Variants in VAV3 observed in about 807,000 individuals in gnomAD.
The protein encoded by VAV3 is guanine nucleotide exchange factor VAV3.
Under a neutral mutation model 131.2 loss-of-function variants are expected in VAV3, and 94 were observed. The ratio of observed to expected loss-of-function variants is 0.72; its 90% CI spans 0.61 to 0.85. VAV3 has a LOEUF of 0.85. Ranked by LOEUF, VAV3 falls within the 40% of genes least tolerant of loss-of-function variation. The pLI is 0.00. For synonymous variants in VAV3, 349 were observed against 342.0 expected, an observed-to-expected ratio of 1.02 and a Z score of -0.22; for missense variants, 939 against 1,002.7, an observed-to-expected ratio of 0.94 and a Z score of 0.86.
intron 15 of VAV3, among the ~76,000 whole-genome samples, chr1:107,707,623 C>T (rs965237602): frequency 6.6e-6 from 1 of 152,292 alleles, no homozygotes; most frequent in Middle Eastern, 3.4e-3. Flanking sequence ...TCCAGCACAA[C>T]GACTTATATG....
intron 1 of VAV3, among the ~76,000 whole-genome samples, chr1:107,882,647 C>G (rs543698099): frequency 2.6e-5 from 4 of 152,196 alleles, no homozygotes; most frequent in Admixed American, 2.6e-4. Context: ...CTATATCTCT[C>G]TTTTAAAATT....
At chr1:107,929,287 CAAAAAAAA>C (rs372843076) in intron 1 of VAV3, among the ~76,000 whole-genome samples, 2 of 92,536 alleles carry the variant, frequency 2.2e-5, no homozygotes, top group East Asian at 3.0e-4. Flanking sequence ...CACTCTGTCT[CAAAAAAAA>C]AAAAAAAAAA....
At chr1:107,807,046 CTCA>C (rs1399742834) in intron 2 of VAV3, among the ~76,000 whole-genome samples, 3 of 152,022 alleles carry the variant, frequency 2.0e-5, no homozygotes, top group Non-Finnish European at 4.4e-5. Context: ...TGCTTTTTTC[CTCA>C]TGTTTTCCAT....
intron 15 of VAV3, among the ~76,000 whole-genome samples, chr1:107,730,566 T>A (rs1330445012): frequency 6.6e-6 from 1 of 152,182 alleles, no homozygotes; most frequent in African/African-American, 2.4e-5. Flanking sequence ...TTGAAATAAA[T>A]TAACTTGTAA....
rs62618754 is a variant in VAV3, at chr1:107,573,249, C to T, written c.*82G>A. ...CAGAAATGCAGCTTTTTAAACACTTCAGTTAATTCACGATGCTGTGCAGGC... is the reference window on the plus strand; with the variant it reads ...CAGAAATGCAGCTTTTTAAACACTTTAGTTAATTCACGATGCTGTGCAGGC... On this transcript the variant is annotated 3_prime_UTR_variant, in exon 27 of 27. Coordinates refer to ENST00000370056, the MANE Select transcript of VAV3 (RefSeq NM_006113.5). 0.011 allele frequency: 15,963 copies of T among 1,501,554 alleles called. 113 individuals carry two copies. The highest frequency in any genetic ancestry group is 0.012 in the Non-Finnish European group (13,303 of 1,095,552). 93.0% of individuals were successfully genotyped at this position (1,501,554 alleles called of 1,614,324 possible).
chr1:107,755,379 C>A, intron 12 of VAV3, 48 bp downstream of exon 12: 1 of 1,322,956 alleles, frequency 7.6e-7, no homozygotes, highest in South Asian at 1.2e-5. Context: ...CCTAGAATGT[C>A]GTTGATGTGG....
chr1:107,854,941 T>C (rs774489561), intron 2 of VAV3, among the ~76,000 whole-genome samples: 1 of 152,208 alleles, frequency 6.6e-6, no homozygotes, highest in Non-Finnish European at 1.5e-5. Context: ...TTCCCCTACA[T>C]AGCGACCGAG....
intron 15 of VAV3, among the ~76,000 whole-genome samples, chr1:107,726,948 A>G (rs1254013883): frequency 6.6e-6 from 1 of 152,212 alleles, no homozygotes; most frequent in African/African-American, 2.4e-5. Flanking sequence ...ATACACACAC[A>G]CTCACACAAT....
chr1:107,704,975 C>T lies in VAV3; in HGVS notation c.1589G>A (p.Cys530Tyr). Residue 530 changes from cysteine to tyrosine, a missense_variant, in exon 16 of 27, where the codon TGC becomes TAC. Cys to Tyr is a radical substitution (Grantham distance 194). Coordinates refer to ENST00000370056, the MANE Select transcript of VAV3 (RefSeq NM_006113.5). Reference protein sequence around the residue: ...TFTRVTSCKVCQMLLRGTFYQ... With the variant: ...TFTRVTSCKVYQMLLRGTFYQ... ...GCAGGCTTACCTCAGGAGCATCTGG[C>T]AGACTTTGCAGGATGTGACTCGAGT... The T allele has an allele frequency of 2.5e-6, 4 of 1,613,820 alleles. No homozygotes were observed. The highest frequency in any genetic ancestry group is 3.4e-6 in the Non-Finnish European group (4 of 1,179,872).
chr1:107,631,386 T>G (rs891879170), intron 20 of VAV3, among the ~76,000 whole-genome samples: 10 of 152,086 alleles, frequency 6.6e-5, no homozygotes, highest in Non-Finnish European at 1.2e-4. Flanking sequence ...TATATAACAT[T>G]AAAACTGGTA....
rs576156766 is a variant in VAV3 at position 107,639,097 on chromosome 1, C to T, written c.1914+3522G>A. On this transcript the variant is annotated intron_variant, in intron 20 of 26. Transcript: ENST00000370056. ...AGGCAATCCAGTGGAGAAATAATTG[C>T]GTTTTCAACAAATGCTGCTGGAGCA... Among the ~76,000 whole-genome samples, 66 of 151,946 alleles carry T rather than the reference C, an allele frequency of 4.3e-4. No individual in the cohort carries two copies. The Middle Eastern group carries it at 0.014, about 32-fold the overall frequency.
At chr1:107,877,926 A>C (rs886264555) in intron 1 of VAV3, among the ~76,000 whole-genome samples, 1 of 152,128 alleles carries the variant, frequency 6.6e-6, no homozygotes, top group Non-Finnish European at 1.5e-5. Flanking sequence ...CTCTGTGCAC[A>C]TATAGGAACA....
chr1:107,629,891 A>G (rs999040580), intron 20 of VAV3, among the ~76,000 whole-genome samples: 17 of 152,192 alleles, frequency 1.1e-4, no homozygotes, highest in Non-Finnish European at 1.8e-4. Context: ...AGTATGTGGA[A>G]AACATGACAG....
chr1:107,603,693 A>G (rs1158223315), intron 22 of VAV3, among the ~76,000 whole-genome samples: 1 of 152,118 alleles, frequency 6.6e-6, no homozygotes, highest in Non-Finnish European at 1.5e-5. Context: ...AATGAGTAAA[A>G]TTTACTTTTA....
chr1:107,923,894 T>C (rs1207320234), intron 1 of VAV3, among the ~76,000 whole-genome samples: 2 of 152,124 alleles, frequency 1.3e-5, no homozygotes, highest in Non-Finnish European at 2.9e-5. Flanking sequence ...GAAGGTGCCA[T>C]CTATAAATCA....
At chr1:107,919,880 A>G (rs567691210) in intron 1 of VAV3, among the ~76,000 whole-genome samples, 2 of 152,330 alleles carry the variant, frequency 1.3e-5, no homozygotes, top group East Asian at 3.9e-4. Context: ...CAGAAACATA[A>G]AAAACATTAC....
At chr1:107,622,852 T>G (rs1653711161) in intron 20 of VAV3, among the ~76,000 whole-genome samples, 1 of 152,032 alleles carries the variant, frequency 6.6e-6, no homozygotes. Flanking sequence ...GGAATATAGG[T>G]GAATACACTG....
At chr1:107,779,342 G>T in intron 3 of VAV3, 92 bp downstream of exon 3, 1 of 1,139,838 alleles carries the variant, frequency 8.8e-7, no homozygotes, top group Non-Finnish European at 1.2e-6. Context: ...CATAGTACCT[G>T]TGTGCAAGAT....
At chr1:107,649,615 C>G (rs116552745) in intron 19 of VAV3, among the ~76,000 whole-genome samples, 4 of 152,094 alleles carry the variant, frequency 2.6e-5, no homozygotes, top group Non-Finnish European at 5.9e-5. Context: ...CCCAGAGCAA[C>G]TGAGCATGTT....
Sources: gnomAD v4.1 joint callset for allele counts (sites outside exome capture counted in the v4.1 genomes callset) on GRCh38, gnomAD v4.1.1 for gene constraint, MANE v1.5 for transcripts, NCBI Gene and HGNC (gene_info 2026-07-23, HGNC 2026-07-21) for gene names.